Variants in SLC26A5 observed in about 807,000 individuals in gnomAD.
The protein encoded by SLC26A5 is solute carrier family 26 member 5, also known as prestin.
SLC26A5 carries 51 observed loss-of-function variants against 81.0 expected under a neutral mutation model. The ratio of observed to expected loss-of-function variants is 0.63; its 90% CI spans 0.50 to 0.80. SLC26A5 has a LOEUF of 0.80. Ranked by LOEUF, SLC26A5 falls within the 30% of genes least tolerant of loss-of-function variation. The pLI, the probability that SLC26A5 is intolerant of heterozygous loss-of-function variation, is 0.00. For synonymous variants in SLC26A5, 325 were observed against 332.8 expected (o/e 0.98, Z 0.25); for missense variants, 771 against 905.8 (o/e 0.85, Z 1.91).
intron 14 of SLC26A5, among the ~76,000 whole-genome samples, chr7:103,383,622 C>T (rs899777296): frequency 7.2e-5 from 11 of 152,132 alleles, no homozygotes; most frequent in African/African-American, 2.7e-4. Flanking sequence ...CCTGTTGAGG[C>T]ACTTATAACT....
rs543605252 is a variant in SLC26A5 at position 103,411,157 on chromosome 7, G to C, written c.570+263C>G. Among the ~76,000 whole-genome samples, 13 of 152,244 alleles carry C rather than the reference G, an allele frequency of 8.5e-5. No individual in the cohort carries two copies. In the East Asian group the frequency reaches 2.5e-3, roughly 29 times the overall value. ...CTGGCTGTTTCTTCCAAGCAGAGAGGAATGTCCTCTCCCAGCACTAACCAA... is the reference window on the plus strand; with the variant it reads ...CTGGCTGTTTCTTCCAAGCAGAGAGCAATGTCCTCTCCCAGCACTAACCAA... On this transcript the variant is annotated intron_variant, in intron 6 of 19. Coordinates refer to ENST00000306312, the MANE Select transcript of SLC26A5 (RefSeq NM_198999.3).
At chr7:103,361,510 CAAAAAAAAA>C (rs759044767) in intron 19 of SLC26A5, among the ~76,000 whole-genome samples, 1 of 51,102 alleles carries the variant, frequency 2.0e-5, no homozygotes, top group Non-Finnish European at 4.1e-5. Flanking sequence ...AACTCCATCT[CAAAAAAAAA>C]AAAAAAAAAA....
chr7:103,420,010 C>G (rs942302140), intron 4 of SLC26A5, among the ~76,000 whole-genome samples: 4 of 152,120 alleles, frequency 2.6e-5, no homozygotes, highest in African/African-American at 9.7e-5. Flanking sequence ...TAGACATGTA[C>G]TGTTTAGAAT....
chr7:103,381,369 CACAT>C (rs1179433512), intron 14 of SLC26A5, among the ~76,000 whole-genome samples: 3 of 150,804 alleles, frequency 2.0e-5, no homozygotes, highest in African/African-American at 4.9e-5. Context: ...CCCCACATAT[CACAT>C]ACATACACAC....
chr7:103,395,709 T>TG (rs1823057725), intron 9 of SLC26A5, among the ~76,000 whole-genome samples: 1 of 151,408 alleles, frequency 6.6e-6, no homozygotes, highest in Admixed American at 6.6e-5. Context: ...TTACTAGAGA[T>TG]GGGGTTTCAC....
chr7:103,375,045 CACACACACATATAT>C (rs996583461), intron 19 of SLC26A5, among the ~76,000 whole-genome samples: 25 of 147,572 alleles, frequency 1.7e-4, no homozygotes, highest in African/African-American at 5.4e-4. Flanking sequence ...AACACACACA[CACACACACATATAT>C]ACACACATAT....
chr7:103,390,076 T>C (rs1328141903), intron 12 of SLC26A5, among the ~76,000 whole-genome samples: 1 of 152,234 alleles, frequency 6.6e-6, no homozygotes, highest in Admixed American at 6.5e-5. Context: ...CTAGATTAAA[T>C]ATACCATCAT....
chr7:103,421,490 T>C lies in SLC26A5; in HGVS notation c.25A>G (p.Ile9Val). The C allele has an allele frequency of 6.2e-7, 1 of 1,614,074 alleles. No homozygotes were observed. The highest frequency in any genetic ancestry group is 1.7e-5 in the Admixed American group (1 of 60,010). Residue 9 changes from isoleucine (I) to valine (V), a missense_variant, in exon 3 of 20, where the codon ATC becomes GTC. Coordinates refer to ENST00000306312, the MANE Select transcript of SLC26A5 (RefSeq NM_198999.3). The stretch of plus-strand genomic sequence containing the variant: ...TAGTACCTCTGGGTTGCTGCAAGGA[T>C]TTCATTTTCTTCAGCATGATCCATA... MDHAEENE[I>V]LAATQRYYVE...
At chr7:103,355,688 A>C in intron 19 of SLC26A5, 1 of 1,607,642 alleles carries the variant, frequency 6.2e-7, no homozygotes. Flanking sequence ...ATCTTTCTCT[A>C]TGTAGGTATT....
Position 103,440,569 on chromosome 7 carries a change from A to T in SLC26A5, c.-54+2514T>A, listed in dbSNP as rs186130127. Among the ~76,000 whole-genome samples the T allele has an allele frequency of 1.6e-4, 25 of 152,332 alleles. No individual in the cohort carries two copies. The South Asian group carries it at 4.6e-3, about 28-fold the overall frequency. On this transcript the variant is annotated intron_variant, in intron 2 of 19. Coordinates refer to ENST00000306312, the MANE Select transcript of SLC26A5 (RefSeq NM_198999.3). ...TCTTCCTACTTTAATTCATTTTAAG[A>T]AGTAGGTCAGGAATAAATTATGAAA...
chr7:103,399,102 T>G (rs1423293577), intron 8 of SLC26A5, among the ~76,000 whole-genome samples: 2 of 152,186 alleles, frequency 1.3e-5, no homozygotes, highest in African/African-American at 4.8e-5. Context: ...AAAAAATATT[T>G]TTATAATAAA....
At chr7:103,392,472 T>C (rs1822740142) in intron 10 of SLC26A5, among the ~76,000 whole-genome samples, 3 of 152,238 alleles carry the variant, frequency 2.0e-5, no homozygotes, top group South Asian at 4.1e-4. Context: ...AGGAGTAACA[T>C]TGCAGACTGA....
chr7:103,355,695 T>A, intron 19 of SLC26A5: 1 of 1,610,246 alleles, frequency 6.2e-7, no homozygotes, highest in Non-Finnish European at 8.5e-7. Context: ...TCTATGTAGG[T>A]ATTAAAGAAT....
intron 7 of SLC26A5, among the ~76,000 whole-genome samples, chr7:103,409,929 G>A (rs35826349): frequency 0.087 from 13,292 of 152,066 alleles, 746 homozygotes; most frequent in Non-Finnish European, 0.14. Flanking sequence ...GGATAGTCTC[G>A]ATCTCCTGAC....
At chr7:103,353,043 A>C (rs1284762319) in intron 19 of SLC26A5, 1 of 766,950 alleles carries the variant, frequency 1.3e-6, no homozygotes, top group East Asian at 2.5e-5. Context: ...ATTACAAATA[A>C]ATTTGAGCAG....
At chr7:103,420,419 T>C (rs753214578) in intron 4 of SLC26A5, among the ~76,000 whole-genome samples, 2 of 151,486 alleles carry the variant, frequency 1.3e-5, no homozygotes, top group Non-Finnish European at 2.9e-5. Flanking sequence ...TGTCAGCCTC[T>C]TGAGTAGCTG....
chr7:103,395,501 G>A (rs1170681964), intron 9 of SLC26A5, among the ~76,000 whole-genome samples: 2 of 106,690 alleles, frequency 1.9e-5, no homozygotes, highest in Non-Finnish European at 3.8e-5. Context: ...ATATATGTAT[G>A]TATATATATA....
At chr7:103,402,556 TGTCTG>T in intron 8 of SLC26A5, among the ~76,000 whole-genome samples, 2 of 152,120 alleles carry the variant, frequency 1.3e-5, no homozygotes, top group Non-Finnish European at 2.9e-5. Context: ...TGTGCCACCA[TGTCTG>T]GCTAATTTTT....
At chr7:103,388,338 A>G (rs1035002037) in intron 14 of SLC26A5, among the ~76,000 whole-genome samples, 1 of 151,698 alleles carries the variant, frequency 6.6e-6, no homozygotes, top group Non-Finnish European at 1.5e-5. Flanking sequence ...CTGGGATTAC[A>G]GGTGTGTGCC....
Sources: gnomAD v4.1 joint callset for allele counts (sites outside exome capture counted in the v4.1 genomes callset) on GRCh38, gnomAD v4.1.1 for gene constraint, MANE v1.5 for transcripts, NCBI Gene and HGNC (gene_info 2026-07-23, HGNC 2026-07-21) for gene names.